The following ROBO2 variants were observed in gnomAD, a reference collection of about 807,000 sequenced individuals.
ROBO2 encodes roundabout homolog 2.
In ROBO2, 53 loss-of-function variants were observed where a neutral mutation model predicts 160.8. The observed-to-expected ratio is 0.33, with a 90% CI of 0.26 to 0.41. The LOEUF is 0.41. Among genes scored for constraint, ROBO2 ranks in the 10% least tolerant of loss-of-function variants. The pLI, the probability that ROBO2 is intolerant of heterozygous loss-of-function variation, is 1.00. For missense variants in ROBO2, 1,577 were observed against 1,722.4 expected, an observed-to-expected ratio of 0.92 and a Z score of 1.49; for synonymous variants, 664 against 611.7, an observed-to-expected ratio of 1.09 and a Z score of -1.26.
At chr3:76,469,842 C>A (rs796549974) in intron 2 of ROBO2, among the ~76,000 whole-genome samples, 6 of 152,252 alleles carry the variant, frequency 3.9e-5, no homozygotes, top group African/African-American at 1.4e-4. Flanking sequence ...ATTTTGTCTT[C>A]TCTCACTACA....
chr3:77,410,729 CTCTTCCTCCTCCTTT>C (rs2076717230), intron 2 of ROBO2, among the ~76,000 whole-genome samples: 7 of 138,732 alleles, frequency 5.0e-5, no homozygotes, highest in South Asian at 2.5e-4. Flanking sequence ...CCTCCTCCTC[CTCTTCCTCCTCCTTT>C]TCCTCCTCCT....
intron 2 of ROBO2, among the ~76,000 whole-genome samples, chr3:77,352,198 A>G (rs28502661): frequency 0.78 from 116,521 of 149,374 alleles, 46,235 homozygotes; most frequent in Non-Finnish European, 0.86. Context: ...CTACAGAAAC[A>G]CATAATGAAT....
intron 24 of ROBO2, among the ~76,000 whole-genome samples, chr3:77,635,602 A>G (rs1176993322): frequency 2.0e-5 from 3 of 152,210 alleles, no homozygotes; most frequent in Non-Finnish European, 2.9e-5. Flanking sequence ...CAGTGGTGCC[A>G]TAAGGATGTC....
intron 2 of ROBO2, among the ~76,000 whole-genome samples, chr3:76,122,145 G>GA (rs2070776877): frequency 1.3e-5 from 2 of 152,262 alleles, no homozygotes; most frequent in South Asian, 2.1e-4. Context: ...TACAGATGAA[G>GA]AAAAAATGGC....
chr3:77,328,352 G>C (rs1295691819), intron 2 of ROBO2, among the ~76,000 whole-genome samples: 1 of 152,196 alleles, frequency 6.6e-6, no homozygotes, highest in Non-Finnish European at 1.5e-5. Context: ...TATATTTTAA[G>C]ACACAGAACA....
chr3:77,607,173 T>C (rs1413651405), intron 20 of ROBO2, among the ~76,000 whole-genome samples: 1 of 152,230 alleles, frequency 6.6e-6, no homozygotes, highest in East Asian at 1.9e-4. Flanking sequence ...TGGAATATTA[T>C]ATGATGTTAT....
In ROBO2 at chr3:76,569,826, T is replaced by C. The variant is rs1041892420; in HGVS notation, c.110-528188T>C. Among the ~76,000 whole-genome samples, 43 of 152,146 alleles carry C rather than the reference T, an allele frequency of 2.8e-4. 1 individual carries two copies. Among genetic ancestry groups the C allele is most frequent in the South Asian group, 1.0e-3 (5 of 4,828 alleles). The stretch of plus-strand genomic sequence containing the variant: ...GCTTATTAAAGGACCCAGAACAGCA[T>C]TGAGATTCCAATAAGCAGCCAGGTG... On this transcript the variant is annotated intron_variant, in intron 2 of 26. Transcript: ENST00000487694.
intron 2 of ROBO2, among the ~76,000 whole-genome samples, chr3:77,112,507 G>T (rs147504643): frequency 5.3e-5 from 8 of 151,980 alleles, no homozygotes; most frequent in African/African-American, 1.7e-4. Context: ...GCCTCCCAAA[G>T]TGCTGGGATT....
At position 76,176,207 on chromosome 3, in the gene ROBO2, C is replaced by A. The variant is rs576558899; in HGVS notation, c.109+238605C>A. On this transcript the variant is annotated intron_variant, in intron 2 of 26. Coordinates refer to the ROBO2 transcript ENST00000487694. Reference sequence around the variant, plus strand: ...CAGCTTTATTTTTTGTTCCTCCATGCAAGCCCATCTTTGTCACCACCTCCA... The same window carrying A: ...CAGCTTTATTTTTTGTTCCTCCATGAAAGCCCATCTTTGTCACCACCTCCA... 1.5e-3 allele frequency among the ~76,000 whole-genome samples: 227 copies of A among 152,188 alleles called. 1 individual carries two copies. The highest frequency in any genetic ancestry group is 5.2e-3 in the African/African-American group (214 of 41,518).
intron 2 of ROBO2, among the ~76,000 whole-genome samples, chr3:77,389,360 G>T (rs1330354840): frequency 6.6e-6 from 1 of 152,072 alleles, no homozygotes; most frequent in Non-Finnish European, 1.5e-5. Flanking sequence ...AAAAAATCCA[G>T]TTCCTCATTT....
intron 5 of ROBO2, among the ~76,000 whole-genome samples, chr3:77,498,685 A>G (rs1400677671): frequency 6.6e-6 from 1 of 151,910 alleles, no homozygotes; most frequent in Non-Finnish European, 1.5e-5. Context: ...GTTTAGATTA[A>G]TTGTTTGGAA....
intron 4 of ROBO2, among the ~76,000 whole-genome samples, chr3:77,491,122 A>C (rs939619360): frequency 6.6e-6 from 1 of 152,056 alleles, no homozygotes; most frequent in Non-Finnish European, 1.5e-5. Flanking sequence ...GTCTCTCACC[A>C]CTTTCCCCAA....
intron 2 of ROBO2, among the ~76,000 whole-genome samples, chr3:76,625,594 G>A (rs2089578865): frequency 6.6e-6 from 1 of 152,138 alleles, no homozygotes; most frequent in Non-Finnish European, 1.5e-5. Flanking sequence ...GTTAGAGAAG[G>A]CTAAAAAAGG....
intron 2 of ROBO2, among the ~76,000 whole-genome samples, chr3:76,016,820 C>T (rs1286117013): frequency 2.0e-5 from 3 of 151,976 alleles, no homozygotes; most frequent in Non-Finnish European, 4.4e-5. Context: ...GAAGACAGTG[C>T]TTCTCAGGAC....
chr3:76,511,391 T>A (rs2081080629), intron 2 of ROBO2, among the ~76,000 whole-genome samples: 1 of 152,220 alleles, frequency 6.6e-6, no homozygotes, highest in Admixed American at 6.5e-5. Context: ...CCGCAGCGAC[T>A]GGATGATGAC....
chr3:76,351,696 T>C (rs908870177), intron 2 of ROBO2, among the ~76,000 whole-genome samples: 1 of 152,026 alleles, frequency 6.6e-6, no homozygotes, highest in Non-Finnish European at 1.5e-5. Context: ...TGTATGTATG[T>C]ATAACCTCAC....
At chr3:76,316,081 G>T (rs2071996465) in intron 2 of ROBO2, among the ~76,000 whole-genome samples, 1 of 152,102 alleles carries the variant, frequency 6.6e-6, no homozygotes, top group Admixed American at 6.6e-5. Flanking sequence ...GAGGAAACAG[G>T]ACCAGGACAA....
intron 2 of ROBO2, among the ~76,000 whole-genome samples, chr3:76,637,542 C>T (rs115055717): frequency 0.011 from 1,667 of 151,954 alleles, 26 homozygotes; most frequent in South Asian, 0.053. Flanking sequence ...AGTGTGGAGG[C>T]TGATTTTTTA....
intron 2 of ROBO2, among the ~76,000 whole-genome samples, chr3:76,021,913 A>ATT (rs370709030): frequency 2.8e-3 from 397 of 140,372 alleles, no homozygotes; most frequent in African/African-American, 7.6e-3. Flanking sequence ...TTCGTGAAAG[A>ATT]TTTTTTTTTT....
Sources: gnomAD v4.1 joint callset for allele counts (sites outside exome capture counted in the v4.1 genomes callset) on GRCh38, gnomAD v4.1.1 for gene constraint, MANE v1.5 for transcripts, NCBI Gene and HGNC (gene_info 2026-07-23, HGNC 2026-07-21) for gene names.